TYRP1: variants seen among roughly 807,000 people sequenced by gnomAD.
TYRP1 encodes 5,6-dihydroxyindole-2-carboxylic acid oxidase.
A neutral mutation model predicts 42.8 loss-of-function variants in TYRP1; 49 were observed. That is an observed-to-expected ratio of 1.14 (90% CI 0.91 to 1.45). The LOEUF (loss-of-function observed/expected upper bound fraction) is 1.45, where lower values mean the gene tolerates loss of function less well. TYRP1 is among the 40% of genes most tolerant of loss of function. The pLI, the probability that TYRP1 is intolerant of heterozygous loss-of-function variation, is 0.00. For synonymous variants in TYRP1, 279 were observed against 235.4 expected (o/e 1.19, Z -1.69); for missense variants, 848 against 662.0 (o/e 1.28, Z -3.08).
At chr9:12,708,825 A>T in intron 7 of TYRP1, 152 bp from the exon 8 acceptor site, 1 of 723,576 alleles carries the variant, frequency 1.4e-6, no homozygotes, top group East Asian at 2.7e-5. Context: ...TCATTAAAAG[A>T]AATCAGGAAG....
chr9:12,693,898 T>G lies in TYRP1; in HGVS notation c.-85-14T>G. On this transcript the variant is annotated splice_polypyrimidine_tract_variant and intron_variant, in intron 1 of 7. Coordinates refer to ENST00000388918, the MANE Select transcript of TYRP1 (RefSeq NM_000550.3). ...AAAAACTTGCATAATCTCATTTTAC[T>G]TTCTCTTTTTCAGCTGGATTTTCCT... 1 of 1,545,336 alleles carries G rather than the reference T, an allele frequency of 6.5e-7. No homozygotes were observed. Among genetic ancestry groups the G allele is most frequent in the Non-Finnish European group, 8.8e-7 (1 of 1,134,090 alleles).
Position 12,709,244 on chromosome 9 carries a change from G to GAGTT in TYRP1, c.*64_*67dup, listed in dbSNP as rs1818315904. On this transcript the variant is annotated 3_prime_UTR_variant, in exon 8 of 8. Coordinates refer to ENST00000388918, the MANE Select transcript of TYRP1 (RefSeq NM_000550.3). ...ACCACCTGGTTGAATATAATAGATT[G>GAGTT]AGTTATTAACTGTATTTTCTTTCAC... 2.0e-6 allele frequency: 3 copies of GAGTT among 1,467,404 alleles called. No homozygotes were observed. Among genetic ancestry groups the GAGTT allele is most frequent in the Non-Finnish European group, 2.9e-6 (3 of 1,049,680 alleles). The allele number at this position is 1,467,404 out of a possible 1,614,324, so 90.9% of individuals were successfully genotyped here.
Position 12,704,683 on chromosome 9 carries a change from A to G in TYRP1, c.1239A>G (p.Glu413=). Residue 413 remains glutamate (E), a synonymous_variant, in exon 6 of 8, where the codon GAA becomes GAG. Transcript: ENST00000388918. ...LHTFTDAVFD[E]WLRRYNADIS... ...CCTTCACAGATGCAGTCTTTGATGA[A>G]TGGCTGAGGAGATACAATGCTGGTA... 1 of 1,613,020 alleles carries G rather than the reference A, an allele frequency of 6.2e-7. No individual in the cohort carries two copies. Among genetic ancestry groups the G allele is most frequent in the Non-Finnish European group, 8.5e-7 (1 of 1,179,370 alleles).
At chr9:12,694,539 C>T in intron 2 of TYRP1, 158 bp downstream of exon 2, 1 of 939,338 alleles carries the variant, frequency 1.1e-6, no homozygotes, top group South Asian at 1.6e-5. Flanking sequence ...GGTTAAGAAA[C>T]TTGTTTAATG....
rs530010397 is a variant in TYRP1 at position 12,695,619 on chromosome 9, A to G, written c.490A>G (p.Arg164Gly). The change falls in exon 3 of 8, where the codon AGG becomes GGG. Residue 164 changes from arginine to glycine, a missense_variant. By Grantham distance (125) the Arg-to-Gly change is moderately radical. Coordinates refer to ENST00000388918, the MANE Select transcript of TYRP1 (RefSeq NM_000550.3). Reference sequence around the variant, plus strand: ...TCACCCTTTATTTGTCATTGCCACCAGGAGATCAGAAGAAATACTGGGGCC... The same window carrying G: ...TCACCCTTTATTTGTCATTGCCACCGGGAGATCAGAAGAAATACTGGGGCC... ...TTHPLFVIAT[R>G]RSEEILGPDG... is the part of the protein sequence containing the mutation. 27 of 1,614,102 alleles carry G rather than the reference A, an allele frequency of 1.7e-5. No individual in the cohort carries two copies. Among genetic ancestry groups the G allele is most frequent in the Non-Finnish European group, 2.2e-5 (26 of 1,180,050 alleles).
Position 12,709,336 on chromosome 9 carries a change from G to C in TYRP1, c.*154G>C. 1 of 775,516 alleles carries C rather than the reference G, an allele frequency of 1.3e-6. No individual in the cohort carries two copies. Among genetic ancestry groups the C allele is most frequent in the Non-Finnish European group, 2.1e-6 (1 of 472,274 alleles). The allele number at this position is 775,516 out of a possible 1,614,324, so 48.0% of individuals were successfully genotyped here. ...AGTTCTAGGCATACTTTTCAAAGCT[G>C]GGAAGACCCTTTCAGAATCTTTTCA... is the stretch of plus-strand genomic sequence containing the variant. On this transcript the variant is annotated 3_prime_UTR_variant, in exon 8 of 8. Coordinates refer to ENST00000388918, the MANE Select transcript of TYRP1 (RefSeq NM_000550.3).
intron 3 of TYRP1, among the ~76,000 whole-genome samples, chr9:12,696,946 A>G (rs1189159800): frequency 1.3e-5 from 2 of 151,612 alleles, no homozygotes; most frequent in Non-Finnish European, 3.0e-5. Context: ...TTATTCCGAG[A>G]AAAAATAAAT....
chr9:12,696,390 A>G (rs971357767), intron 3 of TYRP1, among the ~76,000 whole-genome samples: 2 of 152,208 alleles, frequency 1.3e-5, no homozygotes, highest in Non-Finnish European at 2.9e-5. Context: ...TGAGTCTTAC[A>G]GAAGAAACCT....
chr9:12,696,545 A>G (rs1432161877), intron 3 of TYRP1, among the ~76,000 whole-genome samples: 1 of 152,152 alleles, frequency 6.6e-6, no homozygotes, highest in African/African-American at 2.4e-5. Flanking sequence ...AAAAATATCA[A>G]AATAATTATA....
Position 12,698,501 on chromosome 9 carries a change from G to C in TYRP1, c.759G>C (p.Thr253=). 1.2e-6 allele frequency: 2 copies of C among 1,613,782 alleles called. No homozygotes were observed. Among genetic ancestry groups the C allele is most frequent in the Non-Finnish European group, 1.7e-6 (2 of 1,179,798 alleles). The stretch of plus-strand genomic sequence containing the variant: ...CCCTTCCTTACTGGAATTTTGCAAC[G>C]GGGAAAAATGTCTGTGATATCTGCA... The part of the protein sequence containing the change: ...SFSLPYWNFA[T]GKNVCDICTD... The change falls in exon 4 of 8, where the codon ACG becomes ACC. Residue 253 remains threonine, a synonymous_variant. Coordinates refer to ENST00000388918, the MANE Select transcript of TYRP1 (RefSeq NM_000550.3).
Position 12,694,187 on chromosome 9 carries a change from G to C in TYRP1, c.191G>C (p.Arg64Thr), listed in dbSNP as rs771314830. 5.6e-6 allele frequency: 9 copies of C among 1,613,840 alleles called. No homozygotes were observed. The Admixed American group carries it at 1.5e-4, about 27-fold the overall frequency. Residue 64 changes from arginine (R) to threonine (T), a missense_variant, in exon 2 of 8, where the codon AGA becomes ACA. By Grantham distance (71) the Arg-to-Thr change is moderately conservative. Coordinates refer to ENST00000388918, the MANE Select transcript of TYRP1 (RefSeq NM_000550.3). ...TGTGGCTCATCATCAGGGAGGGGCA[G>C]ATGTGAGGCAGTGACTGCAGACTCC... Reference protein sequence around the residue: ...DRCGSSSGRGRCEAVTADSRP... With the variant: ...DRCGSSSGRGTCEAVTADSRP...
chr9:12,703,893 G>GTGTGTGTGTGTGTGTGTGTGTGTGTATA (rs1818215654), intron 5 of TYRP1, among the ~76,000 whole-genome samples: 1 of 150,486 alleles, frequency 6.6e-6, no homozygotes, highest in Non-Finnish European at 1.5e-5. Context: ...ATGTGTGTGT[G>GTGTGTGTGTGTGTGTGTGTGTGTGTATA]TGTGTGTGTG....
Position 12,702,336 on chromosome 9 carries a change from C to T in TYRP1, c.979C>T (p.Leu327Phe), listed in dbSNP as rs746962761. The change falls in exon 5 of 8, where the codon CTT (leucine) becomes TTT (phenylalanine). Residue 327 changes from leucine (L) to phenylalanine (F), a missense_variant. Coordinates refer to ENST00000388918, the MANE Select transcript of TYRP1 (RefSeq NM_000550.3). ...TGTGGCCAGACCAATGGTGCAACGT[C>T]TTCCTGAACCACAGGATGTCGCTCA... The part of the protein sequence containing the change: ...GNVARPMVQR[L>F]PEPQDVAQCL... 1 of 1,613,168 alleles carries T rather than the reference C, an allele frequency of 6.2e-7. No individual in the cohort carries two copies. The highest frequency in any genetic ancestry group is 8.5e-7 in the Non-Finnish European group (1 of 1,179,488).
rs887778691 is a variant in TYRP1, at chr9:12,702,193, A to G, written c.914-78A>G. 8 of 1,433,610 alleles carry G rather than the reference A, an allele frequency of 5.6e-6. No individual in the cohort carries two copies. In the African/African-American group the frequency reaches 7.1e-5, roughly 13 times the overall value. 88.8% of individuals were successfully genotyped at this position (1,433,610 alleles called of 1,614,324 possible). A position where few individuals can be genotyped will look rare whatever the true frequency, so the allele number is the denominator to read the frequency against. ...AAAACCTATATTTCATATTCATGCT[A>G]TGTATAAAGTTTTAAAGAGCGACAA... is the stretch of plus-strand genomic sequence containing the variant. On this transcript the variant is annotated intron_variant, in intron 4 of 7. Transcript: ENST00000388918.
intron 4 of TYRP1, chr9:12,700,681 C>T (rs1444938538): frequency 6.6e-6 from 1 of 151,982 alleles, no homozygotes; most frequent in Non-Finnish European, 1.5e-5. Context: ...TCTTTACTGT[C>T]AGCATTTTCT....
rs932687091 is a variant in TYRP1, at chr9:12,709,504, C to T, written c.*322C>T. ...TAAGTGAACTACCATGCTTTGTTTA[C>T]GTGTAAAGGAAAATAATGTTTGATA... On this transcript the variant is annotated 3_prime_UTR_variant, in exon 8 of 8. Transcript: ENST00000388918. The T allele has an allele frequency of 1.7e-5, 5 of 292,864 alleles. No individual in the cohort carries two copies. The highest frequency in any genetic ancestry group is 6.9e-5 in the East Asian group (1 of 14,584). The allele number at this position is 292,864 out of a possible 1,614,324, so 18.1% of individuals were successfully genotyped here. A position where few individuals can be genotyped will look rare whatever the true frequency, so the allele number is the denominator to read the frequency against.
chr9:12,705,444 C>T (rs1230812432), intron 6 of TYRP1, among the ~76,000 whole-genome samples: 1 of 151,974 alleles, frequency 6.6e-6, no homozygotes, highest in Non-Finnish European at 1.5e-5. Flanking sequence ...ATTTATGTAT[C>T]CATTAGGCAT....
chr9:12,693,895 T>C lies in TYRP1; in HGVS notation c.-85-17T>C. 6.5e-7 allele frequency: 1 copy of C among 1,534,524 alleles called. No homozygotes were observed. On this transcript the variant is annotated splice_polypyrimidine_tract_variant and intron_variant, in intron 1 of 7. Transcript: ENST00000388918. ...AAGAAAAACTTGCATAATCTCATTT[T>C]ACTTTCTCTTTTTCAGCTGGATTTT...
chr9:12,701,954 T>C (rs923427229), intron 4 of TYRP1: 5 of 248,700 alleles, frequency 2.0e-5, no homozygotes, highest in Non-Finnish European at 3.1e-5. Context: ...CAATTTTCCA[T>C]GGAATTTTCA....
Sources: allele counts gnomAD v4.1 joint callset (sites outside exome capture counted in the v4.1 genomes callset), GRCh38; gene constraint gnomAD v4.1.1; transcripts MANE v1.5; gene names NCBI Gene and HGNC (gene_info 2026-07-23, HGNC 2026-07-21).